Variants in CDH18 observed in about 807,000 individuals in gnomAD.
The protein encoded by CDH18 is cadherin-18.
CDH18 carries 31 observed loss-of-function variants against 67.9 expected under a neutral mutation model. The ratio of observed to expected loss-of-function variants is 0.46; its 90% CI spans 0.34 to 0.62. The LOEUF is 0.62. Among genes scored for constraint, CDH18 ranks in the 20% least tolerant of loss-of-function variants. The pLI is 0.01. For synonymous variants in CDH18, 362 were observed against 347.2 expected, an observed-to-expected ratio of 1.04 and a Z score of -0.48; for missense variants, 890 against 975.5, an observed-to-expected ratio of 0.91 and a Z score of 1.17.
Position 19,917,704 on chromosome 5 carries a change from T to C in CDH18, c.-257+63356A>G, listed in dbSNP as rs116803509. On this transcript the variant is annotated intron_variant, in intron 2 of 12. Coordinates refer to ENST00000382275, the MANE Select transcript of CDH18 (RefSeq NM_004934.5). ...CATATCATATTAAGGCAAGAACCTA[T>C]TGTGAACTCTTCAAAGGTAGAGCAT... 1.8e-3 allele frequency among the ~76,000 whole-genome samples: 279 copies of C among 152,288 alleles called. 2 individuals are homozygous for C. The highest frequency in any genetic ancestry group is 6.4e-3 in the African/African-American group (265 of 41,570).
At chr5:19,587,071 C>T (rs538088049) in intron 7 of CDH18, among the ~76,000 whole-genome samples, 1 of 151,354 alleles carries the variant, frequency 6.6e-6, no homozygotes, top group Non-Finnish European at 1.5e-5. Flanking sequence ...TTTTTTCTTG[C>T]AAATACATTT....
intron 2 of CDH18, among the ~76,000 whole-genome samples, chr5:20,244,896 T>A (rs1168643412): frequency 6.6e-6 from 1 of 152,142 alleles, no homozygotes; most frequent in Non-Finnish European, 1.5e-5. Context: ...ATCTAGTTTG[T>A]CTTTTCTTTA....
At chr5:19,800,150 T>C (rs1467662577) in intron 3 of CDH18, among the ~76,000 whole-genome samples, 1 of 152,152 alleles carries the variant, frequency 6.6e-6, no homozygotes, top group Non-Finnish European at 1.5e-5. Context: ...AAAACACTAT[T>C]GAAAGGCTTC....
intron 1 of CDH18, among the ~76,000 whole-genome samples, chr5:20,349,760 T>C (rs1293475696): frequency 6.6e-6 from 1 of 152,168 alleles, no homozygotes; most frequent in African/African-American, 2.4e-5. Flanking sequence ...GATTACATTT[T>C]GTCAGACCTA....
rs1461474514 is a variant in CDH18 at position 20,557,902 on chromosome 5, AT to A, written c.-580+17559del. Among the ~76,000 whole-genome samples, 539 of 66,280 alleles carry A rather than the reference AT, an allele frequency of 8.1e-3. 30 individuals are homozygous for A. The highest frequency in any genetic ancestry group is 0.032 in the Admixed American group (165 of 5,198). 43.5% of individuals were successfully genotyped at this position (66,280 alleles called of 152,430 possible). A position where few individuals can be genotyped will look rare whatever the true frequency, so the allele number is the denominator to read the frequency against. ...ACATTAAATGTTATAGTTATATAAC[AT>A]TTAATGTTATAGTTATATAACATTT... is the stretch of plus-strand genomic sequence containing the variant. On this transcript the variant is annotated intron_variant, in intron 1 of 14. Transcript: ENST00000507958.
intron 1 of CDH18, among the ~76,000 whole-genome samples, chr5:20,461,079 C>G (rs1751233417): frequency 6.6e-6 from 1 of 152,156 alleles, no homozygotes; most frequent in Admixed American, 6.5e-5. Context: ...ATAGGCCCAG[C>G]ATCTGCTCTC....
intron 1 of CDH18, among the ~76,000 whole-genome samples, chr5:20,515,795 C>A (rs1273964193): frequency 1.3e-5 from 2 of 151,990 alleles, no homozygotes; most frequent in Admixed American, 6.6e-5. Context: ...GAAACCGATG[C>A]CAGTTTTATA....
In CDH18 at chr5:19,720,967, C is replaced by T. The variant is rs150574246; in HGVS notation, c.643+380G>A. On this transcript the variant is annotated intron_variant, in intron 5 of 12. Transcript: ENST00000382275. ...AGGAAAATTTCAAAGAGCTATTTAC[C>T]CTCTTCAGCTAAGAATTAAAACTAA... is the stretch of plus-strand genomic sequence containing the variant. 3.8e-3 allele frequency among the ~76,000 whole-genome samples: 580 copies of T among 151,964 alleles called. 6 individuals carry two copies. Among genetic ancestry groups the T allele is most frequent in the African/African-American group, 0.014 (563 of 41,484 alleles).
At chr5:20,104,348 C>T (rs1746739724) in intron 2 of CDH18, among the ~76,000 whole-genome samples, 1 of 151,960 alleles carries the variant, frequency 6.6e-6, no homozygotes, top group Admixed American at 6.5e-5. Flanking sequence ...GTAATAGAGT[C>T]AGAAAACATG....
chr5:19,950,530 T>C (rs749911983), intron 2 of CDH18, among the ~76,000 whole-genome samples: 7 of 152,058 alleles, frequency 4.6e-5, no homozygotes, highest in Non-Finnish European at 7.4e-5. Flanking sequence ...ATTTCTTAAA[T>C]TGAAATAAAG....
intron 5 of CDH18, among the ~76,000 whole-genome samples, chr5:19,621,353 T>C (rs1280905002): frequency 1.3e-5 from 2 of 152,210 alleles, no homozygotes; most frequent in Non-Finnish European, 2.9e-5. Flanking sequence ...AACACCTGTC[T>C]TGTTTTTTGA....
At chr5:20,334,289 T>A (rs973197914) in intron 1 of CDH18, among the ~76,000 whole-genome samples, 2 of 150,966 alleles carry the variant, frequency 1.3e-5, no homozygotes, top group Admixed American at 6.6e-5. Flanking sequence ...GCCCGCCACC[T>A]CGCCCGGCTA....
chr5:19,575,511 A>T (rs906562683), intron 7 of CDH18, among the ~76,000 whole-genome samples: 1 of 152,268 alleles, frequency 6.6e-6, no homozygotes, highest in Admixed American at 6.5e-5. Context: ...TAGCATAATT[A>T]TTTGTCTATC....
chr5:20,266,398 GA>G lies in CDH18; in HGVS notation c.-579-10894del, dbSNP rs1316495979. 5.3e-5 allele frequency among the ~76,000 whole-genome samples: 8 copies of G among 151,732 alleles called. No individual in the cohort carries two copies. In the East Asian group the frequency reaches 5.9e-4, roughly 11 times the overall value. ...GAGTTACACTATTTCCATAGCACAA[GA>G]AAAAAAGTATGTTTGTTTGTTTGAG... On this transcript the variant is annotated intron_variant, in intron 1 of 14. Coordinates refer to the CDH18 transcript ENST00000507958.
In CDH18 at chr5:20,443,930, T is replaced by A. The variant is rs75449384; in HGVS notation, c.-580+131532A>T. On this transcript the variant is annotated intron_variant, in intron 1 of 14. Coordinates refer to the CDH18 transcript ENST00000507958. The stretch of plus-strand genomic sequence containing the variant: ...GCACTAAAAGAACCCATTAACTTTT[T>A]TACAAGGTAAAAATATACACTTGGG... 6.6e-3 allele frequency among the ~76,000 whole-genome samples: 1,010 copies of A among 152,070 alleles called. 34 individuals carry two copies. Among genetic ancestry groups the A allele is most frequent in the African/African-American group, 0.023 (965 of 41,326 alleles).
intron 11 of CDH18, among the ~76,000 whole-genome samples, chr5:19,484,741 G>A (rs1341170540): frequency 1.3e-5 from 2 of 152,180 alleles, no homozygotes; most frequent in African/African-American, 4.8e-5. Flanking sequence ...GACATTAAGA[G>A]TGAATGTCAG....
chr5:20,355,897 A>C (rs1412477355), intron 1 of CDH18, among the ~76,000 whole-genome samples: 1 of 152,176 alleles, frequency 6.6e-6, no homozygotes, highest in Non-Finnish European at 1.5e-5. Context: ...TCACAGACCA[A>C]ATTAACTTAG....
intron 3 of CDH18, among the ~76,000 whole-genome samples, chr5:19,828,031 C>T (rs777071461): frequency 5.3e-5 from 8 of 151,996 alleles, no homozygotes; most frequent in Non-Finnish European, 7.4e-5. Context: ...TTAGAAATTA[C>T]AAAGGGTACA....
chr5:20,008,846 AC>A (rs2150412030), intron 2 of CDH18, among the ~76,000 whole-genome samples: 1 of 152,248 alleles, frequency 6.6e-6, no homozygotes. Flanking sequence ...AATTAAAGGT[AC>A]CTGCCCACAA....
Sources: gnomAD v4.1 joint callset for allele counts (sites outside exome capture counted in the v4.1 genomes callset) on GRCh38, gnomAD v4.1.1 for gene constraint, MANE v1.5 for transcripts, NCBI Gene and HGNC (gene_info 2026-07-23, HGNC 2026-07-21) for gene names.